Variants in JAK3 observed in about 807,000 individuals in gnomAD.
The protein encoded by JAK3 is tyrosine-protein kinase JAK3.
In JAK3, 88 loss-of-function variants were observed where a neutral mutation model predicts 120.8. The ratio of observed to expected loss-of-function variants is 0.73; its 90% CI spans 0.61 to 0.87. The LOEUF is 0.87. Among genes scored for constraint, JAK3 ranks in the 40% least tolerant of loss-of-function variants. The probability of loss-of-function intolerance (pLI) is 0.00; values close to 1 mark genes in which losing one functional copy is unlikely to be tolerated. For missense variants in JAK3, 1,254 were observed against 1,501.4 expected (o/e 0.84, Z 2.72); for synonymous variants, 592 against 628.6 (o/e 0.94, Z 0.87).
At chr19:17,839,710 T>G in intron 9 of JAK3, 47 bp from the exon 10 acceptor site, 1 of 1,266,670 alleles carries the variant, frequency 7.9e-7, no homozygotes, top group Non-Finnish European at 1.1e-6. Context: ...ACAGACACTC[T>G]CCTTCTCAGT....
chr19:17,838,277 C>CA lies in JAK3; in HGVS notation c.1554dup (p.Asp519Ter), dbSNP rs1428363497. 1 of 1,614,004 alleles carries CA rather than the reference C, an allele frequency of 6.2e-7. No individual in the cohort carries two copies. Among genetic ancestry groups the CA allele is most frequent in the Admixed American group, 1.7e-5 (1 of 59,986 alleles). ...GGGCCTCTTACCCACTCCAGGCTGT[C>CA]AGCAGGGATCTTGTGAAATGTCATC... On this transcript the variant is annotated frameshift_variant, in exon 11 of 24. Transcript: ENST00000458235. LOFTEE classifies it high-confidence loss of function.
intron 17 of JAK3, 134 bp downstream of exon 17, chr19:17,834,437 C>T: frequency 1.2e-6 from 1 of 859,096 alleles, no homozygotes. Flanking sequence ...TTGAAGCTCA[C>T]ACTGACTGTC....
Position 17,843,268 on chromosome 19 carries a change from C to G in JAK3, c.421-96G>C. On this transcript the variant is annotated intron_variant, in intron 4 of 23. Coordinates refer to ENST00000458235, the MANE Select transcript of JAK3 (RefSeq NM_000215.4). The surrounding 1 kb of genome is among the most constrained non-coding windows in gnomAD (Gnocchi z 5.4). ...CCCCCAATCCTGGGCTGACCCCCAC[C>G]CCTGGACTGCCACAGGGAGGGTCAG... 1 of 1,539,148 alleles carries G rather than the reference C, an allele frequency of 6.5e-7. No homozygotes were observed.
intron 14 of JAK3, among the ~76,000 whole-genome samples, chr19:17,835,532 G>C (rs1191703438): frequency 2.6e-5 from 4 of 152,066 alleles, no homozygotes; most frequent in Non-Finnish European, 4.4e-5. Flanking sequence ...TTGCACCCTG[G>C]TCTCCTGCCA....
At chr19:17,838,976 G>A (rs577031128) in intron 10 of JAK3, among the ~76,000 whole-genome samples, 54 of 152,152 alleles carry the variant, frequency 3.5e-4, no homozygotes, top group Non-Finnish European at 7.6e-4. Flanking sequence ...TCAGCCTCCC[G>A]AAGTGCTGGT....
At chr19:17,844,139 A>T (rs2094246420) in intron 2 of JAK3, 95 bp downstream of exon 2, 1 of 1,369,076 alleles carries the variant, frequency 7.3e-7, no homozygotes, top group Non-Finnish European at 1.0e-6. Context: ...CCCAGCTCCG[A>T]TGCTGACTTC....
rs2094237373 is a variant in JAK3, at chr19:17,841,071, C to T, written c.1142+318G>A. 6.6e-6 allele frequency among the ~76,000 whole-genome samples: 1 copy of T among 152,108 alleles called. No homozygotes were observed. The highest frequency in any genetic ancestry group is 1.5e-5 in the Non-Finnish European group (1 of 68,024). On this transcript the variant is annotated intron_variant, in intron 8 of 23. Transcript: ENST00000458235. This position sits in a 1 kb window ranked among gnomAD's most constrained non-coding sequence, Gnocchi z 4.1. ...AGTTCAAACAATCCTCCTGCCTTGG[C>T]CCCTCAAAGCGCTGCGATTGCAGGT...
intron 1 of JAK3, among the ~76,000 whole-genome samples, chr19:17,847,617 G>C (rs1180661219): frequency 6.6e-6 from 1 of 152,132 alleles, no homozygotes; most frequent in Non-Finnish European, 1.5e-5. Flanking sequence ...AGGCCTGGAG[G>C]GTAGGGGCTG....
intron 1 of JAK3, among the ~76,000 whole-genome samples, chr19:17,846,419 C>T (rs887634019): frequency 2.6e-5 from 4 of 152,104 alleles, no homozygotes; most frequent in Admixed American, 6.6e-5. Context: ...TTGATGTCAC[C>T]GATGCCCAGA....
rs997065458 is a variant in JAK3, at chr19:17,827,944, G to C, written c.3208-1034C>G. Among the ~76,000 whole-genome samples, 10 of 148,574 alleles carry C rather than the reference G, an allele frequency of 6.7e-5. No homozygotes were observed. The South Asian group carries it at 1.3e-3, about 19-fold the overall frequency. ...CAAAAAAACACCACCTCTCCCTGAT[G>C]CCCTCCTTCGCTCATCTCCATCCCT... On this transcript the variant is annotated intron_variant, in intron 23 of 23. Transcript: ENST00000458235.
chr19:17,842,214 G>T lies in JAK3; in HGVS notation c.861+102C>A, dbSNP rs1051282426. The T allele has an allele frequency of 1.6e-6, 2 of 1,263,212 alleles. No homozygotes were observed. The allele number at this position is 1,263,212 out of a possible 1,614,324, so 78.3% of individuals were successfully genotyped here. ...CATTAAGCCTCGCCCACTTCCCCAA[G>T]TCTTTCGTTTTGGCTCCGCCCCACA... On this transcript the variant is annotated intron_variant, in intron 6 of 23. Transcript: ENST00000458235. This position sits in a 1 kb window ranked among gnomAD's most constrained non-coding sequence, Gnocchi z 6.4.
chr19:17,826,471 G>T lies in JAK3; in HGVS notation c.*272C>A, dbSNP rs200124877. ...CCAGGGCTTAAGGGGTTGGGAAGAT[G>T]CGAGAGTCTTAAATTTGGTTCCTTG... On this transcript the variant is annotated 3_prime_UTR_variant, in exon 24 of 24. Transcript: ENST00000458235. 4 of 525,668 alleles carry T rather than the reference G, an allele frequency of 7.6e-6. No homozygotes were observed. Among genetic ancestry groups the T allele is most frequent in the African/African-American group, 1.9e-5 (1 of 52,796 alleles). The allele number at this position is 525,668 out of a possible 1,614,324, so 32.6% of individuals were successfully genotyped here. A position where few individuals can be genotyped will look rare whatever the true frequency, so the allele number is the denominator to read the frequency against.
chr19:17,840,265 C>G lies in JAK3; in HGVS notation c.1219G>C (p.Asp407His). The G allele has an allele frequency of 6.2e-7, 1 of 1,613,990 alleles. No homozygotes were observed. The highest frequency in any genetic ancestry group is 8.5e-7 in the Non-Finnish European group (1 of 1,179,984). ...ACAGTGAGGAGGAAGCTGTCAAAGTCCTGGGGGCTGCGGCGGAGAACATAG... is the reference window on the plus strand; with the variant it reads ...ACAGTGAGGAGGAAGCTGTCAAAGTGCTGGGGGCTGCGGCGGAGAACATAG... ...GSYVLRRSPQ[D>H]FDSFLLTVCV... The change falls in exon 9 of 24, where the codon GAC (aspartate) becomes CAC (histidine). Residue 407 changes from aspartate to histidine, a missense_variant. Asp to His is a moderately conservative substitution (Grantham distance 81). This residue lies in a region of JAK3 where 486 missense variants were observed against 503.0 expected (regional missense o/e 0.97). Coordinates refer to ENST00000458235, the MANE Select transcript of JAK3 (RefSeq NM_000215.4).
intron 9 of JAK3, among the ~76,000 whole-genome samples, 173 bp downstream of exon 9, chr19:17,840,057 G>A (rs2094234326): frequency 6.6e-6 from 1 of 152,128 alleles, no homozygotes; most frequent in Admixed American, 6.5e-5. Flanking sequence ...TTCTCCTAAA[G>A]CACCATGAAC....
rs1284916489 is a variant in JAK3 at position 17,842,035 on chromosome 19, G to T, written c.862-273C>A. Among the ~76,000 whole-genome samples the T allele has an allele frequency of 6.6e-6, 1 of 151,410 alleles. No homozygotes were observed. The highest frequency in any genetic ancestry group is 1.5e-5 in the Non-Finnish European group (1 of 67,908). ...GCTTCGCAGCCTCCCAGCTCTCGGA[G>T]CCTCACTCTGCCTCTTAGTCTTGCC... On this transcript the variant is annotated intron_variant, in intron 6 of 23. Transcript: ENST00000458235. The surrounding 1 kb of genome is among the most constrained non-coding windows in gnomAD (Gnocchi z 6.4).
In JAK3 at chr19:17,842,308, G is replaced by A. The variant is rs2147696823; in HGVS notation, c.861+8C>T. ...TTGGCCCCGCCCAGCGGGGGAGTCC[G>A]CCCTCACCTCCTGTTCTCCCTGGGT... On this transcript the variant is annotated splice_region_variant and intron_variant, in intron 6 of 23. Coordinates refer to ENST00000458235, the MANE Select transcript of JAK3 (RefSeq NM_000215.4). The surrounding 1 kb of genome is among the most constrained non-coding windows in gnomAD (Gnocchi z 6.4). 7.2e-7 allele frequency: 1 copy of A among 1,389,340 alleles called. No homozygotes were observed. Among genetic ancestry groups the A allele is most frequent in the Non-Finnish European group, 9.5e-7 (1 of 1,051,294 alleles). 86.1% of individuals were successfully genotyped at this position (1,389,340 alleles called of 1,614,324 possible).
rs1041924055 is a variant in JAK3 at position 17,830,059 on chromosome 19, C to T, written c.3207+49G>A. 5.0e-6 allele frequency: 7 copies of T among 1,400,230 alleles called. No homozygotes were observed. The African/African-American group carries it at 7.1e-5, about 14-fold the overall frequency. 86.7% of individuals were successfully genotyped at this position (1,400,230 alleles called of 1,614,324 possible). ...GCGCCAGCTGGCTTGCCCGAGACCC[C>T]GGCCCAATCTACAGACTGGGAAACT... On this transcript the variant is annotated intron_variant, in intron 23 of 23. Coordinates refer to ENST00000458235, the MANE Select transcript of JAK3 (RefSeq NM_000215.4).
At position 17,843,945 on chromosome 19, in the gene JAK3, TGTGCCCTTCAGGA is replaced by T. The variant is rs2094246029; in HGVS notation, c.185-58_185-46del. The T allele has an allele frequency of 6.2e-7, 1 of 1,610,802 alleles. No individual in the cohort carries two copies. The highest frequency in any genetic ancestry group is 8.5e-7 in the Non-Finnish European group (1 of 1,178,502). On this transcript the variant is annotated intron_variant, in intron 2 of 23. Coordinates refer to ENST00000458235, the MANE Select transcript of JAK3 (RefSeq NM_000215.4). The surrounding 1 kb of genome is among the most constrained non-coding windows in gnomAD (Gnocchi z 5.4). The stretch of plus-strand genomic sequence containing the variant: ...CAGCTCCCTCCTGAGTCACCCCATC[TGTGCCCTTCAGGA>T]GTGCCAGCATCATACCCAACCGTCC...
rs2094213319 is a variant in JAK3 at position 17,831,024 on chromosome 19, C to T, written c.2978+204G>A. On this transcript the variant is annotated intron_variant, in intron 21 of 23. Transcript: ENST00000458235. This position sits in a 1 kb window ranked among gnomAD's most constrained non-coding sequence, Gnocchi z 5.1. ...GAAGGGCGGGGCTAAGGCTGGGGGC[C>T]GCTGACAGCAGGGCAGCGGGAGACA... Among the ~76,000 whole-genome samples the T allele has an allele frequency of 1.4e-5, 2 of 140,976 alleles. No homozygotes were observed. The highest frequency in any genetic ancestry group is 5.3e-5 in the African/African-American group (2 of 37,524). The allele number at this position is 140,976 out of a possible 152,430, so 92.5% of individuals were successfully genotyped here.
Sources: allele counts gnomAD v4.1 joint callset (sites outside exome capture counted in the v4.1 genomes callset), GRCh38; gene constraint gnomAD v4.1.1; regional missense constraint gnomAD v4.1.1; non-coding constraint Gnocchi (gnomAD v3.1); transcripts MANE v1.5; gene names NCBI Gene and HGNC (gene_info 2026-07-23, HGNC 2026-07-21).